The following MRPL19 variants were observed in gnomAD, a reference collection of about 807,000 sequenced individuals.
MRPL19 encodes mitochondrial ribosomal protein L19.
Under a neutral mutation model 34.0 loss-of-function variants are expected in MRPL19, and 31 were observed. That is an observed-to-expected ratio of 0.91 (90% CI 0.68 to 1.23). The LOEUF (loss-of-function observed/expected upper bound fraction) is 1.23. Among genes scored for constraint, MRPL19 ranks in the 50% most tolerant of loss-of-function variants. The pLI, the probability that MRPL19 is intolerant of heterozygous loss-of-function variation, is 0.00. For synonymous variants in MRPL19, 152 were observed against 127.7 expected (o/e 1.19, Z -1.28); for missense variants, 384 against 367.6 (o/e 1.04, Z -0.37).
intron 2 of MRPL19, among the ~76,000 whole-genome samples, chr2:75,649,756 A>G (rs954251508): frequency 5.9e-5 from 9 of 151,972 alleles, no homozygotes; most frequent in African/African-American, 2.2e-4. Flanking sequence ...CAGTCTCCCA[A>G]GTGGCTGGGA....
At position 75,658,558 on chromosome 2, in the gene MRPL19, T is replaced by C. The variant is rs1678519770; in HGVS notation, c.*3273T>C. On this transcript the variant is annotated 3_prime_UTR_variant, in exon 6 of 6. Coordinates refer to ENST00000393909, the MANE Select transcript of MRPL19 (RefSeq NM_014763.4). The stretch of plus-strand genomic sequence containing the variant: ...TAGATAATGTCATGTTTTATTTCTC[T>C]TGTGATTTCTTCTTCGATCCCCTGG... Among the ~76,000 whole-genome samples, 1 of 152,174 alleles carries C rather than the reference T, an allele frequency of 6.6e-6. No homozygotes were observed. The highest frequency in any genetic ancestry group is 1.5e-5 in the Non-Finnish European group (1 of 68,008).
In MRPL19 at chr2:75,652,232, AG is replaced by A; in HGVS notation, c.313del (p.Val105TyrfsTer75). The A allele has an allele frequency of 6.3e-7, 1 of 1,591,626 alleles. No individual in the cohort carries two copies. The highest frequency in any genetic ancestry group is 8.6e-7 in the Non-Finnish European group (1 of 1,163,534). ...GAAAAGATATGTTAGAAAGGAGAAA[AG>A]TACTCCACATTCCAGAGTTCTATGT... ...ERKDMLERRK[V>X]LHIPEFYVGS... On this transcript the variant is annotated frameshift_variant, in exon 3 of 6. Coordinates refer to ENST00000393909, the MANE Select transcript of MRPL19 (RefSeq NM_014763.4). LOFTEE classifies it high-confidence loss of function.
chr2:75,651,726 C>A (rs1269986365), intron 2 of MRPL19: 1 of 283,042 alleles, frequency 3.5e-6, no homozygotes, highest in African/African-American at 2.2e-5. Context: ...ATGTATAGCT[C>A]AGTGTGAGGC....
At position 75,660,426 on chromosome 2, in the gene MRPL19, G is replaced by A. The variant is rs1019048494; in HGVS notation, c.*5141G>A. On this transcript the variant is annotated 3_prime_UTR_variant, in exon 6 of 6. Coordinates refer to ENST00000393909, the MANE Select transcript of MRPL19 (RefSeq NM_014763.4). ...CTGTGTCTTTGTATGCTGTCTTTTT[G>A]TTGTTGAAAACTGTATGTTTGAACA... 1 of 152,030 alleles carries A rather than the reference G, an allele frequency of 6.6e-6. No individual in the cohort carries two copies. Among genetic ancestry groups the A allele is most frequent in the African/African-American group, 2.4e-5 (1 of 41,382 alleles). 9.4% of individuals were successfully genotyped at this position (152,030 alleles called of 1,614,324 possible). A position where few individuals can be genotyped will look rare whatever the true frequency, so the allele number is the denominator to read the frequency against.
rs1195884691 is a variant in MRPL19, at chr2:75,659,836, G to A, written c.*4551G>A. On this transcript the variant is annotated 3_prime_UTR_variant, in exon 6 of 6. Coordinates refer to ENST00000393909, the MANE Select transcript of MRPL19 (RefSeq NM_014763.4). ...TGTCTTTTGACAGTTTGATTATAAC[G>A]CGGCTCAGTGTGGGTCTCTGAGTTT... Among the ~76,000 whole-genome samples the A allele has an allele frequency of 2.6e-5, 4 of 152,096 alleles. No individual in the cohort carries two copies. The highest frequency in any genetic ancestry group is 2.1e-4 in the South Asian group (1 of 4,832).
In MRPL19 at chr2:75,655,189, T is replaced by C. The variant is rs749168110; in HGVS notation, c.783T>C (p.Asn261=). ...AAATGAAAGAAGCTCAGAAGTGGAA[T>C]CAGCCATGGCTTGAATTTGATATGA... ...EQQMKEAQKW[N]QPWLEFDMMR... is the part of the protein sequence containing the mutation. The change falls in exon 6 of 6, where the codon AAT becomes AAC. Residue 261 remains asparagine, a synonymous_variant. Transcript: ENST00000393909. 1.2e-6 allele frequency: 2 copies of C among 1,613,544 alleles called. No homozygotes were observed. Among genetic ancestry groups the C allele is most frequent in the Admixed American group, 3.3e-5 (2 of 59,962 alleles).
At position 75,655,053 on chromosome 2, in the gene MRPL19, A is replaced by G; in HGVS notation, c.658-11A>G. The G allele has an allele frequency of 7.7e-7, 1 of 1,302,040 alleles. No homozygotes were observed. 80.7% of individuals were successfully genotyped at this position (1,302,040 alleles called of 1,614,324 possible). A position where few individuals can be genotyped will look rare whatever the true frequency, so the allele number is the denominator to read the frequency against. ...TGCTTTTTTTTTTTTTTTTTTTTTA[A>G]TCTTCCTTAGCTGAAAGTAAAAATG... On this transcript the variant is annotated splice_polypyrimidine_tract_variant and intron_variant, in intron 5 of 5. Transcript: ENST00000393909.
chr2:75,654,708 G>T (rs1205772143), intron 4 of MRPL19, 28 bp from the exon 5 acceptor site: 4 of 1,606,250 alleles, frequency 2.5e-6, no homozygotes, highest in Middle Eastern at 1.7e-4. Context: ...GACTTAGATT[G>T]TAAGAATATG....
chr2:75,657,835 ATAAAAT>A lies in MRPL19; in HGVS notation c.*2555_*2560del, dbSNP rs897068682. 3 of 148,936 alleles carry A rather than the reference ATAAAAT, an allele frequency of 2.0e-5. No homozygotes were observed. The highest frequency in any genetic ancestry group is 7.5e-5 in the African/African-American group (3 of 39,770). 9.2% of individuals were successfully genotyped at this position (148,936 alleles called of 1,614,324 possible). ...AAGTAAAGCAAATCTTCCCCCAGAA[ATAAAAT>A]TAAATGTGCATAATCTAAAGCTTTT... On this transcript the variant is annotated 3_prime_UTR_variant, in exon 6 of 6. Transcript: ENST00000393909.
chr2:75,647,012 CG>C (rs1678236755), intron 1 of MRPL19, 89 bp from the exon 2 acceptor site: 2 of 1,481,930 alleles, frequency 1.3e-6, no homozygotes, highest in Non-Finnish European at 1.8e-6. Context: ...GTTGGTCCCC[CG>C]TGGGACGCCG....
In MRPL19 at chr2:75,659,677, C is replaced by G. The variant is rs1289497307; in HGVS notation, c.*4392C>G. Among the ~76,000 whole-genome samples the G allele has an allele frequency of 6.6e-6, 1 of 152,108 alleles. No homozygotes were observed. The highest frequency in any genetic ancestry group is 1.5e-5 in the Non-Finnish European group (1 of 68,010). ...TTTGGTAACAGTATTTTTCTTTCAG[C>G]ACTTTAAATATGTCATCCCACTACC... On this transcript the variant is annotated 3_prime_UTR_variant, in exon 6 of 6. Transcript: ENST00000393909.
chr2:75,659,794 C>T lies in MRPL19; in HGVS notation c.*4509C>T, dbSNP rs1271575443. On this transcript the variant is annotated 3_prime_UTR_variant, in exon 6 of 6. Transcript: ENST00000393909. ...GAGTCAGTTCTGTCTTATTGCTTTT[C>T]GGATTTGCTCAGCTTTTGTCTTTTG... 2.0e-5 allele frequency among the ~76,000 whole-genome samples: 3 copies of T among 152,092 alleles called. No individual in the cohort carries two copies. Among genetic ancestry groups the T allele is most frequent in the Admixed American group, 6.6e-5 (1 of 15,256 alleles).
chr2:75,654,697 G>A lies in MRPL19; in HGVS notation c.476-39G>A, dbSNP rs551793982. The A allele has an allele frequency of 2.6e-5, 41 of 1,589,604 alleles. No individual in the cohort carries two copies. In the South Asian group the frequency reaches 4.6e-4, roughly 18 times the overall value. On this transcript the variant is annotated intron_variant, in intron 4 of 5. Coordinates refer to ENST00000393909, the MANE Select transcript of MRPL19 (RefSeq NM_014763.4). ...CAGTATGAAACATGTATAGGAACGT[G>A]GACTTAGATTGTAAGAATATGTTTT...
intron 2 of MRPL19, among the ~76,000 whole-genome samples, chr2:75,648,678 C>T (rs937561235): frequency 3.3e-5 from 5 of 149,854 alleles, no homozygotes; most frequent in Admixed American, 6.7e-5. Context: ...GCCAACATGG[C>T]GAAACCCCCA....
chr2:75,655,057 T>C lies in MRPL19; in HGVS notation c.658-7T>C, dbSNP rs1558720979. 2.1e-6 allele frequency: 3 copies of C among 1,462,382 alleles called. No individual in the cohort carries two copies. The South Asian group carries it at 3.8e-5, about 19-fold the overall frequency. The allele number at this position is 1,462,382 out of a possible 1,614,324, so 90.6% of individuals were successfully genotyped here. A position where few individuals can be genotyped will look rare whatever the true frequency, so the allele number is the denominator to read the frequency against. ...TTTTTTTTTTTTTTTTTTTTAATCTTCCTTAGCTGAAAGTAAAAATGAAGC... is the reference window on the plus strand; with the variant it reads ...TTTTTTTTTTTTTTTTTTTTAATCTCCCTTAGCTGAAAGTAAAAATGAAGC... On this transcript the variant is annotated splice_region_variant and splice_polypyrimidine_tract_variant and intron_variant, in intron 5 of 5. Transcript: ENST00000393909.
At position 75,655,173 on chromosome 2, in the gene MRPL19, A is replaced by C; in HGVS notation, c.767A>C (p.Glu256Ala). ...TGTTTAACTGAACAGCAAATGAAAG[A>C]AGCTCAGAAGTGGAATCAGCCATGG... ...DLCLTEQQMK[E>A]AQKWNQPWLE... Residue 256 changes from glutamate (E) to alanine (A), a missense_variant, in exon 6 of 6, where the codon GAA (glutamate) becomes GCA (alanine). Physicochemically the swap from Glu to Ala is moderately radical, Grantham distance 107 (BLOSUM62 -1). Coordinates refer to ENST00000393909, the MANE Select transcript of MRPL19 (RefSeq NM_014763.4). 6.2e-7 allele frequency: 1 copy of C among 1,613,364 alleles called. No homozygotes were observed. The highest frequency in any genetic ancestry group is 1.7e-5 in the Admixed American group (1 of 59,938).
chr2:75,653,208 C>T (rs551281917), intron 4 of MRPL19, among the ~76,000 whole-genome samples: 74 of 152,250 alleles, frequency 4.9e-4, no homozygotes, highest in Middle Eastern at 3.4e-3. Flanking sequence ...GGAACAATTA[C>T]GTTTATCAAG....
chr2:75,653,731 A>G lies in MRPL19; in HGVS notation c.476-1005A>G, dbSNP rs114715459. On this transcript the variant is annotated intron_variant, in intron 4 of 5. Transcript: ENST00000393909. ...AGTTCCAGATTTGCAACTATCTGCA[A>G]CTATCTGATCAACACTCTATTTGGA... Among the ~76,000 whole-genome samples the G allele has an allele frequency of 4.7e-3, 715 of 152,312 alleles. 4 individuals are homozygous for G. Among genetic ancestry groups the G allele is most frequent in the African/African-American group, 0.016 (674 of 41,566 alleles).
chr2:75,652,686 C>G, intron 4 of MRPL19, 29 bp downstream of exon 4: 1 of 1,596,130 alleles, frequency 6.3e-7, no homozygotes, highest in Non-Finnish European at 8.5e-7. Context: ...TTTTCATTGT[C>G]TAGAAAATGT....
Sources: gnomAD v4.1 joint callset for allele counts (sites outside exome capture counted in the v4.1 genomes callset) on GRCh38, gnomAD v4.1.1 for gene constraint, MANE v1.5 for transcripts, NCBI Gene and HGNC (gene_info 2026-07-23, HGNC 2026-07-21) for gene names.